The following AKR1C8 variants were observed in gnomAD, a reference collection of about 807,000 sequenced individuals.
The protein encoded by AKR1C8 is aldo-keto reductase family 1 member C8.
At chr10:5,120,952 G>C in the AKR1C8 span, among the ~76,000 whole-genome samples, 1 of 151,996 alleles carries the variant, frequency 6.6e-6, no homozygotes, top group Non-Finnish European at 1.5e-5. Context: ...TGCTAATTAT[G>C]ATATTATATA....
chr10:5,134,830 C>T, the AKR1C8 span, among the ~76,000 whole-genome samples: 2 of 152,158 alleles, frequency 1.3e-5, no homozygotes, highest in African/African-American at 2.4e-5. Flanking sequence ...CAATCACCTA[C>T]AAAAGGAAAT....
At chr10:5,166,909 A>C in the AKR1C8 span, among the ~76,000 whole-genome samples, 17 of 151,544 alleles carry the variant, frequency 1.1e-4, no homozygotes, top group East Asian at 2.9e-3. Context: ...GGCAAATATC[A>C]AGAATCTACA....
At chr10:5,179,134 G>C in the AKR1C8 span, among the ~76,000 whole-genome samples, 909 of 152,120 alleles carry the variant, frequency 6.0e-3, 5 homozygotes, top group African/African-American at 0.021. Context: ...TCCTTTCCAT[G>C]TTTAGTGCTT....
the AKR1C8 span, among the ~76,000 whole-genome samples, chr10:5,178,629 G>T: frequency 2.0e-5 from 3 of 152,280 alleles, no homozygotes; most frequent in East Asian, 5.8e-4. Context: ...CTCTTTGTAG[G>T]TCACTCAGGA....
chr10:5,180,575 C>G, the AKR1C8 span, among the ~76,000 whole-genome samples: 8 of 152,190 alleles, frequency 5.3e-5, no homozygotes, highest in South Asian at 2.1e-4. Context: ...GCCCTGCCCC[C>G]AGAGGTGGAG....
chr10:5,124,598 A>C, the AKR1C8 span, among the ~76,000 whole-genome samples: 1 of 152,206 alleles, frequency 6.6e-6, no homozygotes, highest in Non-Finnish European at 1.5e-5. Flanking sequence ...AATACAAAAA[A>C]TTAAAACATT....
At chr10:5,170,079 A>G in the AKR1C8 span, among the ~76,000 whole-genome samples, 1 of 151,972 alleles carries the variant, frequency 6.6e-6, no homozygotes, top group Non-Finnish European at 1.5e-5. Flanking sequence ...GGGGCAAAGG[A>G]TTCTGGACAC....
chr10:5,175,609 C>A, the AKR1C8 span, among the ~76,000 whole-genome samples: 10 of 152,340 alleles, frequency 6.6e-5, no homozygotes, highest in African/African-American at 2.4e-4. Context: ...AAAAGTGTTA[C>A]TATTTCTCCA....
At chr10:5,145,597 A>C in the AKR1C8 span, among the ~76,000 whole-genome samples, 1 of 152,244 alleles carries the variant, frequency 6.6e-6, no homozygotes, top group Non-Finnish European at 1.5e-5. Context: ...ACATGAAAAA[A>C]TGCTCATCAT....
At chr10:5,174,279 T>C in the AKR1C8 span, among the ~76,000 whole-genome samples, 1 of 72,478 alleles carries the variant, frequency 1.4e-5, no homozygotes, top group Non-Finnish European at 3.2e-5. Flanking sequence ...ATGTGATGTC[T>C]ATAAAAAAAA....
chr10:5,168,148 C>T, the AKR1C8 span, among the ~76,000 whole-genome samples: 1 of 152,072 alleles, frequency 6.6e-6, no homozygotes, highest in East Asian at 1.9e-4. Flanking sequence ...ATCTTTCCTG[C>T]ACACAGGAGA....
chr10:5,138,330 T>A, the AKR1C8 span, among the ~76,000 whole-genome samples: 5 of 152,210 alleles, frequency 3.3e-5, no homozygotes, highest in East Asian at 9.7e-4. Flanking sequence ...TATTCCTTGC[T>A]AGGAAAAGAA....
the AKR1C8 span, among the ~76,000 whole-genome samples, chr10:5,136,324 G>A: frequency 3.3e-5 from 5 of 152,106 alleles, no homozygotes; most frequent in Non-Finnish European, 4.4e-5. Context: ...GAGGTAGGTG[G>A]ATCACTTGAG....
chr10:5,121,195 T>C, the AKR1C8 span, among the ~76,000 whole-genome samples: 5 of 152,222 alleles, frequency 3.3e-5, no homozygotes, highest in African/African-American at 1.2e-4. Flanking sequence ...ATTCCTCTTC[T>C]TTCTCCTCAA....
chr10:5,184,688 A>G, the AKR1C8 span, among the ~76,000 whole-genome samples: 1 of 152,242 alleles, frequency 6.6e-6, no homozygotes, highest in Non-Finnish European at 1.5e-5. Context: ...TTAAGGAATT[A>G]AATAAGATAA....
chr10:5,167,068 T>C, the AKR1C8 span, among the ~76,000 whole-genome samples: 3 of 151,998 alleles, frequency 2.0e-5, no homozygotes, highest in Non-Finnish European at 2.9e-5. Context: ...GAAATACAAA[T>C]CAAACCCACA....
the AKR1C8 span, among the ~76,000 whole-genome samples, chr10:5,159,546 G>A: frequency 6.6e-6 from 1 of 151,930 alleles, no homozygotes; most frequent in East Asian, 1.9e-4. Flanking sequence ...CTTTCCCTAG[G>A]AGAACAAATC....
the AKR1C8 span, among the ~76,000 whole-genome samples, chr10:5,145,589 A>C: frequency 6.6e-6 from 1 of 152,250 alleles, no homozygotes; most frequent in Non-Finnish European, 1.5e-5. Flanking sequence ...CAAAAAACAC[A>C]TGAAAAAATG....
At chr10:5,134,857 C>T in the AKR1C8 span, among the ~76,000 whole-genome samples, 1 of 152,180 alleles carries the variant, frequency 6.6e-6, no homozygotes, top group South Asian at 2.1e-4. Flanking sequence ...CAGCGTTCTT[C>T]ACTCTTGAGT....
Sources: gnomAD v4.1 joint callset for allele counts (sites outside exome capture counted in the v4.1 genomes callset) on GRCh38, gnomAD v4.1.1 for gene constraint, MANE v1.5 for transcripts, NCBI Gene and HGNC (gene_info 2026-07-23, HGNC 2026-07-21) for gene names.